The following DSCAML1 variants were observed in gnomAD, a reference collection of about 807,000 sequenced individuals.
DSCAML1 encodes cell adhesion molecule DSCAML1.
Under a neutral mutation model 200.5 loss-of-function variants are expected in DSCAML1, and 38 were observed. The ratio of observed to expected loss-of-function variants is 0.19; its 90% CI spans 0.15 to 0.25. The LOEUF is 0.25. DSCAML1 is among the 10% of genes least tolerant of loss of function. The pLI is 1.00. For synonymous variants in DSCAML1, 1,215 were observed against 1,165.0 expected (o/e 1.04, Z -0.87); for missense variants, 2,223 against 2,858.8 (o/e 0.78, Z 5.07).
At chr11:117,560,234 A>C (rs2050636665) in intron 3 of DSCAML1, among the ~76,000 whole-genome samples, 1 of 152,108 alleles carries the variant, frequency 6.6e-6, no homozygotes. Flanking sequence ...TTGAGTGCCT[A>C]CTTTGTCCAG....
At chr11:117,690,908 T>C (rs1183615095) in intron 3 of DSCAML1, among the ~76,000 whole-genome samples, 2 of 152,142 alleles carry the variant, frequency 1.3e-5, no homozygotes, top group East Asian at 3.9e-4. Context: ...TGGGCTCCCA[T>C]GAGACTGTTG....
intron 3 of DSCAML1, among the ~76,000 whole-genome samples, chr11:117,667,232 T>C (rs903126532): frequency 3.3e-5 from 5 of 152,084 alleles, no homozygotes; most frequent in African/African-American, 1.2e-4. Context: ...GCCAACATGG[T>C]GAAACCCTGT....
intron 3 of DSCAML1, among the ~76,000 whole-genome samples, chr11:117,545,116 GATACTC>G (rs1273868006): frequency 6.6e-6 from 1 of 152,124 alleles, no homozygotes; most frequent in Non-Finnish European, 1.5e-5. Context: ...TGTAATCCCA[GATACTC>G]GGGAGGCCGA....
At position 117,571,812 on chromosome 11, in the gene DSCAML1, G is replaced by T. The variant is rs1661592635; in HGVS notation, c.512-39290C>A. On this transcript the variant is annotated intron_variant, in intron 3 of 32. Coordinates refer to ENST00000651296, the MANE Select transcript of DSCAML1 (RefSeq NM_020693.4). ...AATTCTAAGTCACAGGATAAGATAG[G>T]TCAGCACAAGATGAAGGTCATAAAG... 2.0e-5 allele frequency among the ~76,000 whole-genome samples: 3 copies of T among 152,278 alleles called. No homozygotes were observed. The South Asian group carries it at 6.2e-4, about 32-fold the overall frequency.
chr11:117,713,775 T>C (rs1213396801), intron 3 of DSCAML1, among the ~76,000 whole-genome samples: 2 of 152,224 alleles, frequency 1.3e-5, no homozygotes, highest in African/African-American at 4.8e-5. Context: ...CTTTGTGGGA[T>C]CAGCAGCCTG....
rs1452045927 is a variant in DSCAML1, at chr11:117,444,147, C to A, written c.3709-108G>T. 6 of 1,295,840 alleles carry A rather than the reference C, an allele frequency of 4.6e-6. No individual in the cohort carries two copies. In the African/African-American group the frequency reaches 7.5e-5, roughly 16 times the overall value. 80.3% of individuals were successfully genotyped at this position (1,295,840 alleles called of 1,614,324 possible). ...GAGGAGAGGATGGCGGGGTCGGATG[C>A]GAGGCAGGATTCTGTCCTATTTGCC... On this transcript the variant is annotated intron_variant, in intron 20 of 32. Coordinates refer to ENST00000651296, the MANE Select transcript of DSCAML1 (RefSeq NM_020693.4).
intron 6 of DSCAML1, among the ~76,000 whole-genome samples, chr11:117,520,795 T>TAC (rs141019359): frequency 0.041 from 6,204 of 152,088 alleles, 182 homozygotes; most frequent in Middle Eastern, 0.1. Context: ...TGGTGCAAGA[T>TAC]GGTCCCTGCC....
At position 117,480,530 on chromosome 11, in the gene DSCAML1, C is replaced by A. The variant is rs942382631; in HGVS notation, c.2698G>T (p.Ala900Ser). 6.3e-7 allele frequency: 1 copy of A among 1,586,602 alleles called. No homozygotes were observed. The change falls in exon 14 of 33, where the codon GCC (alanine) becomes TCC (serine). Residue 900 changes from alanine (A) to serine (S), a missense_variant. This residue lies in a region of DSCAML1 where 438 missense variants were observed against 629.7 expected (regional missense o/e 0.70). Coordinates refer to ENST00000651296, the MANE Select transcript of DSCAML1 (RefSeq NM_020693.4). This position sits in a 1 kb window ranked among gnomAD's most constrained non-coding sequence, Gnocchi z 4.1. ...PPELEIREVK[A>S]RSMNLRWTQR... ...GTCCAGCGCAGGTTCATGCTCCGGG[C>A]CTTCACCTCCCGGATCTCCAGCTCT...
intron 3 of DSCAML1, among the ~76,000 whole-genome samples, chr11:117,736,818 T>C (rs990441707): frequency 1.3e-5 from 2 of 152,246 alleles, no homozygotes; most frequent in African/African-American, 4.8e-5. Flanking sequence ...GTTCACACAG[T>C]GGAACAGAAC....
rs540060838 is a variant in DSCAML1, at chr11:117,463,364, CTT to C, written c.3265+1576_3265+1577del. Among the ~76,000 whole-genome samples the C allele has an allele frequency of 3.0e-4, 43 of 141,280 alleles. No individual in the cohort carries two copies. The highest frequency in any genetic ancestry group is 2.8e-4 in the Non-Finnish European group (18 of 64,220). 92.7% of individuals were successfully genotyped at this position (141,280 alleles called of 152,430 possible). On this transcript the variant is annotated intron_variant, in intron 17 of 32. Transcript: ENST00000651296. The surrounding 1 kb of genome is among the most constrained non-coding windows in gnomAD (Gnocchi z 4.0). ...GGGAACTTATTAGAAATAATACATC[CTT>C]TTTTTTTTTTTTTTAGAGATGGGGT...
chr11:117,429,489 C>T (rs1316510663), intron 32 of DSCAML1, among the ~76,000 whole-genome samples: 2 of 121,012 alleles, frequency 1.7e-5, no homozygotes, highest in African/African-American at 2.8e-5. Flanking sequence ...CTGCAACCTC[C>T]GCTTCCCGAG....
chr11:117,512,108 C>T (rs540662355), intron 8 of DSCAML1, among the ~76,000 whole-genome samples: 151 of 152,338 alleles, frequency 9.9e-4, no homozygotes, highest in Middle Eastern at 3.4e-3. Flanking sequence ...CCACAGAGAG[C>T]TGGGGTGGGA....
intron 3 of DSCAML1, among the ~76,000 whole-genome samples, chr11:117,573,006 A>T (rs2050872310): frequency 6.6e-6 from 1 of 152,192 alleles, no homozygotes; most frequent in African/African-American, 2.4e-5. Context: ...GCACTTTCAC[A>T]GTTGTTATCT....
chr11:117,640,762 G>C (rs554547214), intron 3 of DSCAML1, among the ~76,000 whole-genome samples: 1 of 152,162 alleles, frequency 6.6e-6, no homozygotes, highest in Admixed American at 6.5e-5. Flanking sequence ...TCACTCTCCA[G>C]GCGTTTCCTT....
At chr11:117,510,535 C>T (rs887784196) in intron 8 of DSCAML1, among the ~76,000 whole-genome samples, 4 of 152,116 alleles carry the variant, frequency 2.6e-5, no homozygotes, top group East Asian at 1.9e-4. Context: ...AAGCCCATCC[C>T]AGATCGCCTT....
intron 3 of DSCAML1, among the ~76,000 whole-genome samples, chr11:117,765,323 A>G (rs1003308286): frequency 1.3e-5 from 2 of 152,222 alleles, no homozygotes; most frequent in Non-Finnish European, 1.5e-5. Flanking sequence ...CAGGACCACA[A>G]AAGCCAAGAG....
chr11:117,493,321 C>CT (rs35975602), intron 11 of DSCAML1, among the ~76,000 whole-genome samples: 58,458 of 142,002 alleles, frequency 0.41, 12,132 homozygotes, highest in South Asian at 0.54. Context: ...TGGTCCTCTT[C>CT]TTTTTTTTTT....
At chr11:117,810,603 T>C (rs1406540077) in intron 1 of DSCAML1, among the ~76,000 whole-genome samples, 4 of 152,168 alleles carry the variant, frequency 2.6e-5, no homozygotes, top group African/African-American at 9.7e-5. Flanking sequence ...CCTGTATCCT[T>C]AAGAACTTAA....
Position 117,535,043 on chromosome 11 carries a change from G to T in DSCAML1, c.512-2521C>A, listed in dbSNP as rs929716206. Among the ~76,000 whole-genome samples, 4 of 151,016 alleles carry T rather than the reference G, an allele frequency of 2.6e-5. No individual in the cohort carries two copies. The East Asian group carries it at 7.7e-4, about 29-fold the overall frequency. ...CTCCCTCCCGCACATCTCTGTATAGGACTGGACCTACCATGTGCCAGACAC... is the reference window on the plus strand; with the variant it reads ...CTCCCTCCCGCACATCTCTGTATAGTACTGGACCTACCATGTGCCAGACAC... On this transcript the variant is annotated intron_variant, in intron 3 of 32. Coordinates refer to ENST00000651296, the MANE Select transcript of DSCAML1 (RefSeq NM_020693.4).
Sources: allele counts gnomAD v4.1 joint callset (sites outside exome capture counted in the v4.1 genomes callset), GRCh38; gene constraint gnomAD v4.1.1; regional missense constraint gnomAD v4.1.1; non-coding constraint Gnocchi (gnomAD v3.1); transcripts MANE v1.5; gene names NCBI Gene and HGNC (gene_info 2026-07-23, HGNC 2026-07-21).